The following TTC7A variants were observed in gnomAD, a reference collection of about 807,000 sequenced individuals.
TTC7A encodes tetratricopeptide repeat protein 7A.
Under a neutral mutation model 103.7 loss-of-function variants are expected in TTC7A, and 110 were observed. The observed-to-expected ratio is 1.06, with a 90% CI of 0.91 to 1.24. The LOEUF (loss-of-function observed/expected upper bound fraction) is 1.24, where lower values mean the gene tolerates loss of function less well. Ranked by LOEUF, TTC7A falls within the 50% of genes most tolerant of loss-of-function variation. The pLI is 0.00. For synonymous variants in TTC7A, 521 were observed against 467.9 expected, an observed-to-expected ratio of 1.11 and a Z score of -1.47; for missense variants, 1,340 against 1,116.3, an observed-to-expected ratio of 1.20 and a Z score of -2.86.
At chr2:46,992,538 G>A (rs549362934) in intron 5 of TTC7A, among the ~76,000 whole-genome samples, 1 of 152,378 alleles carries the variant, frequency 6.6e-6, no homozygotes, top group African/African-American at 2.4e-5. Flanking sequence ...GGGGGCTGAG[G>A]TGGGAGAAAG....
chr2:47,046,979 C>T (rs1017818330), intron 16 of TTC7A: 47 of 353,420 alleles, frequency 1.3e-4, no homozygotes, highest in Admixed American at 4.9e-4. Flanking sequence ...TAGTCACCCA[C>T]GGTCTTCATG....
intron 14 of TTC7A, among the ~76,000 whole-genome samples, chr2:47,025,379 G>A (rs1476376699): frequency 1.3e-5 from 2 of 152,146 alleles, no homozygotes; most frequent in Non-Finnish European, 2.9e-5. Flanking sequence ...TAGGTACCCC[G>A]CTCCCCTGAC....
intron 19 of TTC7A, 64 bp from the exon 20 acceptor site, chr2:47,073,638 C>T (rs1238437764): frequency 1.4e-6 from 2 of 1,452,662 alleles, no homozygotes; most frequent in Non-Finnish European, 9.6e-7. Context: ...GTGCTTGGCC[C>T]AGTTGCCAAG....
At chr2:47,042,443 A>G (rs1406680895) in intron 15 of TTC7A, among the ~76,000 whole-genome samples, 1 of 152,148 alleles carries the variant, frequency 6.6e-6, no homozygotes, top group East Asian at 1.9e-4. Context: ...TCGAGGCTGC[A>G]ATGAGCTATG....
At chr2:46,919,075 T>A (rs926684011) in intron 2 of TTC7A, among the ~76,000 whole-genome samples, 1 of 152,188 alleles carries the variant, frequency 6.6e-6, no homozygotes, top group Non-Finnish European at 1.5e-5. Flanking sequence ...CTGTTTTGAA[T>A]TGTCTCAAGA....
chr2:46,988,864 C>T (rs112612494), intron 5 of TTC7A, among the ~76,000 whole-genome samples: 24 of 152,274 alleles, frequency 1.6e-4, no homozygotes, highest in African/African-American at 5.8e-4. Flanking sequence ...CCTGCCTCTC[C>T]CTTTTGGTAA....
At chr2:47,017,423 A>G (rs1295437327) in intron 11 of TTC7A, among the ~76,000 whole-genome samples, 1 of 150,180 alleles carries the variant, frequency 6.7e-6, no homozygotes, top group Non-Finnish European at 1.5e-5. Context: ...TGTGGTCCCA[A>G]CTACTTGGGA....
intron 2 of TTC7A, among the ~76,000 whole-genome samples, chr2:46,935,286 G>A (rs1015459773): frequency 6.6e-6 from 1 of 152,118 alleles, no homozygotes. Context: ...TTCATCCTGA[G>A]CCCAGGAGTT....
chr2:47,049,371 A>C (rs1252577601), intron 16 of TTC7A, among the ~76,000 whole-genome samples: 1 of 151,814 alleles, frequency 6.6e-6, no homozygotes, highest in Non-Finnish European at 1.5e-5. Flanking sequence ...GCAGTATAGC[A>C]GCAGGGATCT....
intron 5 of TTC7A, among the ~76,000 whole-genome samples, chr2:46,987,805 C>T (rs1251596106): frequency 9.7e-6 from 1 of 102,938 alleles, no homozygotes; most frequent in Non-Finnish European, 2.1e-5. Flanking sequence ...TGTCCCTTTC[C>T]GCGCGTGTGT....
upstream of TTC7A, among the ~76,000 whole-genome samples, chr2:46,940,716 G>A (rs1214997819): frequency 6.6e-6 from 1 of 152,250 alleles, no homozygotes; most frequent in Non-Finnish European, 1.5e-5. This position sits in a 1 kb window ranked among gnomAD's most constrained non-coding sequence, Gnocchi z 4.7. Context: ...TCCCAGCAGA[G>A]GGGCGTCCAG....
At position 47,074,242 on chromosome 2, in the gene TTC7A, C is replaced by A. The variant is rs892189797; in HGVS notation, c.*319C>A. 1.2e-5 allele frequency: 5 copies of A among 412,654 alleles called. No individual in the cohort carries two copies. The Admixed American group carries it at 1.6e-4, about 13-fold the overall frequency. 25.6% of individuals were successfully genotyped at this position (412,654 alleles called of 1,614,324 possible). On this transcript the variant is annotated 3_prime_UTR_variant, in exon 20 of 20. Coordinates refer to ENST00000319190, the MANE Select transcript of TTC7A (RefSeq NM_020458.4). ...CCTTCACCCTCACCCATGCCTCTGG[C>A]TTGGAGTCTGGGTGGGGGGTTCTCA...
chr2:47,040,089 C>T (rs1043990841), intron 15 of TTC7A, among the ~76,000 whole-genome samples: 11 of 152,162 alleles, frequency 7.2e-5, no homozygotes, highest in African/African-American at 2.4e-4. Flanking sequence ...GAGGGAACAC[C>T]GAGCCTGGGT....
chr2:46,997,817 T>C (rs886355074), intron 8 of TTC7A, among the ~76,000 whole-genome samples: 2 of 152,126 alleles, frequency 1.3e-5, no homozygotes, highest in African/African-American at 2.4e-5. Flanking sequence ...AGCTCTGTCT[T>C]CCCAAGTCAT....
intron 15 of TTC7A, among the ~76,000 whole-genome samples, chr2:47,034,621 C>T (rs1298275756): frequency 2.6e-5 from 4 of 152,166 alleles, no homozygotes; most frequent in Non-Finnish European, 5.9e-5. Context: ...CAGCCTGTCA[C>T]GGCTCCCGTC....
intron 15 of TTC7A, among the ~76,000 whole-genome samples, chr2:47,041,357 C>G (rs1388277529): frequency 6.6e-6 from 1 of 152,206 alleles, no homozygotes; most frequent in African/African-American, 2.4e-5. Context: ...CACTTGCAGA[C>G]CAGGTGGGGA....
At chr2:46,969,663 G>A (rs755143147) in intron 3 of TTC7A, among the ~76,000 whole-genome samples, 7 of 151,946 alleles carry the variant, frequency 4.6e-5, no homozygotes, top group Admixed American at 1.3e-4. Flanking sequence ...CGTCCGCCTC[G>A]GCCTCCCAAA....
chr2:47,037,340 C>G (rs1419370764), intron 15 of TTC7A, among the ~76,000 whole-genome samples: 1 of 152,214 alleles, frequency 6.6e-6, no homozygotes, highest in Non-Finnish European at 1.5e-5. Flanking sequence ...TCTCCAGCTG[C>G]TAGACAATGG....
At chr2:46,965,916 A>T (rs1216446865) in intron 3 of TTC7A, among the ~76,000 whole-genome samples, 1 of 151,648 alleles carries the variant, frequency 6.6e-6, no homozygotes, top group Non-Finnish European at 1.5e-5. Context: ...CTAAGAGGTT[A>T]TTGTGAGCAT....
Sources: allele counts gnomAD v4.1 joint callset (sites outside exome capture counted in the v4.1 genomes callset), GRCh38; gene constraint gnomAD v4.1.1; non-coding constraint Gnocchi (gnomAD v3.1); transcripts MANE v1.5; gene names NCBI Gene and HGNC (gene_info 2026-07-23, HGNC 2026-07-21).